The following DAB2IP variants were observed in gnomAD, a reference collection of about 807,000 sequenced individuals.
The protein encoded by DAB2IP is DAB2 interacting protein.
Under a neutral mutation model 107.2 loss-of-function variants are expected in DAB2IP, and 28 were observed. The ratio of observed to expected loss-of-function variants is 0.26; its 90% CI spans 0.19 to 0.36. DAB2IP has a LOEUF of 0.36. Among genes scored for constraint, DAB2IP ranks in the 10% least tolerant of loss-of-function variants. DAB2IP has a pLI of 1.00. For synonymous variants in DAB2IP, 755 were observed against 706.4 expected, an observed-to-expected ratio of 1.07 and a Z score of -1.09; for missense variants, 1,400 against 1,644.7, an observed-to-expected ratio of 0.85 and a Z score of 2.57.
At chr9:121,727,205 A>C (rs1353430568) in intron 3 of DAB2IP, among the ~76,000 whole-genome samples, 1 of 152,114 alleles carries the variant, frequency 6.6e-6, no homozygotes, top group African/African-American at 2.4e-5. Context: ...CTCAAGCCCC[A>C]CCTTGAAGCA....
At chr9:121,683,491 G>A (rs907889604) in intron 2 of DAB2IP, among the ~76,000 whole-genome samples, 6 of 152,152 alleles carry the variant, frequency 3.9e-5, no homozygotes, top group South Asian at 4.1e-4. Flanking sequence ...ATTCCTCCTC[G>A]GGAAGTTGAA....
exon 16 of DAB2IP, chr9:121,783,419 C>T (rs1015960177): frequency 2.5e-6 from 4 of 1,602,464 alleles, no homozygotes; most frequent in Middle Eastern, 2.0e-4. Flanking sequence ...GGAGTGCCAC[C>T]TGGTGCTCAC....
In DAB2IP at chr9:121,736,669, G is replaced by A. The variant is rs1340942480; in HGVS notation, c.363-20344G>A. On this transcript the variant is annotated intron_variant, in intron 3 of 15. Transcript: ENST00000408936. The surrounding 1 kb of genome is among the most constrained non-coding windows in gnomAD (Gnocchi z 4.6). The stretch of plus-strand genomic sequence containing the variant: ...TGCTCTGGGAGCAGCGCTCGGGGGA[G>A]GTTACCTTGGCGCGCCCCCAAATCT... Among the ~76,000 whole-genome samples the A allele has an allele frequency of 6.6e-6, 1 of 152,228 alleles. No homozygotes were observed. Among genetic ancestry groups the A allele is most frequent in the Non-Finnish European group, 1.5e-5 (1 of 68,038 alleles).
At position 121,684,579 on chromosome 9, in the gene DAB2IP, A is replaced by G. The variant is rs1420883245; in HGVS notation, c.228+5798A>G. Among the ~76,000 whole-genome samples, 2 of 152,100 alleles carry G rather than the reference A, an allele frequency of 1.3e-5. No homozygotes were observed. The highest frequency in any genetic ancestry group is 2.9e-5 in the Non-Finnish European group (2 of 68,002). On this transcript the variant is annotated intron_variant, in intron 2 of 15. Transcript: ENST00000408936. This position sits in a 1 kb window ranked among gnomAD's most constrained non-coding sequence, Gnocchi z 4.0. ...GCCACCAGGCCCCAGCCCCAGCTGTAGAGGGACCCGAAGTTTGGGCTGCGG... is the reference window on the plus strand; with the variant it reads ...GCCACCAGGCCCCAGCCCCAGCTGTGGAGGGACCCGAAGTTTGGGCTGCGG...
Position 121,698,105 on chromosome 9 carries a change from A to G in DAB2IP, c.229-1220A>G, listed in dbSNP as rs758149068. ...CTCTTGAACACAGAGAGGGCTGCCA[A>G]ACTGACCCTTTATTTTGTGATGGAT... On this transcript the variant is annotated intron_variant, in intron 2 of 15. Transcript: ENST00000408936. This position sits in a 1 kb window ranked among gnomAD's most constrained non-coding sequence, Gnocchi z 4.1. Among the ~76,000 whole-genome samples the G allele has an allele frequency of 7.2e-5, 11 of 152,124 alleles. No homozygotes were observed. The highest frequency in any genetic ancestry group is 1.3e-4 in the Non-Finnish European group (9 of 68,008).
intron 1 of DAB2IP, among the ~76,000 whole-genome samples, chr9:121,672,796 T>C (rs1027988247): frequency 2.6e-5 from 4 of 152,224 alleles, no homozygotes; most frequent in African/African-American, 9.6e-5. Context: ...ACCCTAGGAA[T>C]GCCACTTTCA....
At chr9:121,712,895 C>A (rs1014812558) in intron 3 of DAB2IP, among the ~76,000 whole-genome samples, 2 of 152,200 alleles carry the variant, frequency 1.3e-5, no homozygotes, top group African/African-American at 4.8e-5. Flanking sequence ...TGTGTCTGAG[C>A]CCCTGGGAGG....
chr9:121,651,547 A>AGCCCGGCCTCCGGGT (rs1202183141), upstream of DAB2IP: 13 of 581,880 alleles, frequency 2.2e-5, no homozygotes, highest in Admixed American at 7.7e-4. The surrounding 1 kb of genome is among the most constrained non-coding windows in gnomAD (Gnocchi z 5.1). Context: ...GGCCGGTGCC[A>AGCCCGGCCTCCGGGT]GCCCGGCCTC....
chr9:121,577,815 A>T (rs1205636262), intron 1 of DAB2IP, among the ~76,000 whole-genome samples: 1 of 152,206 alleles, frequency 6.6e-6, no homozygotes, highest in Admixed American at 6.5e-5. Context: ...CGAGGCAGCC[A>T]GATGGCAACC....
At chr9:121,603,223 C>T (rs1407457607) in intron 1 of DAB2IP, among the ~76,000 whole-genome samples, 2 of 152,192 alleles carry the variant, frequency 1.3e-5, no homozygotes, top group Non-Finnish European at 2.9e-5. Context: ...CTTGGAAGAC[C>T]GCTCTGTGGG....
chr9:121,738,790 T>C (rs1426801215), intron 3 of DAB2IP, among the ~76,000 whole-genome samples: 2 of 152,246 alleles, frequency 1.3e-5, no homozygotes, highest in Non-Finnish European at 2.9e-5. Context: ...CTGGTCTTTG[T>C]TTTTGCATCT....
At chr9:121,732,887 G>GC (rs1564186129) in intron 3 of DAB2IP, among the ~76,000 whole-genome samples, 1 of 152,232 alleles carries the variant, frequency 6.6e-6, no homozygotes, top group East Asian at 1.9e-4. Context: ...AATACCTAGC[G>GC]CTGGGCCTGG....
intron 1 of DAB2IP, among the ~76,000 whole-genome samples, chr9:121,594,178 G>C (rs963139565): frequency 6.6e-6 from 1 of 151,772 alleles, no homozygotes; most frequent in Non-Finnish European, 1.5e-5. Context: ...GAGGGATGTA[G>C]TAGCATGCTC....
At chr9:121,648,351 C>A (rs1008719075), upstream of DAB2IP, among the ~76,000 whole-genome samples, 1 of 152,130 alleles carries the variant, frequency 6.6e-6, no homozygotes, top group African/African-American at 2.4e-5. Context: ...AGAGGGAAGA[C>A]CTTGGTGGCA....
At chr9:121,734,440 T>C (rs79380076) in intron 3 of DAB2IP, among the ~76,000 whole-genome samples, 5,784 of 150,266 alleles carry the variant, frequency 0.038, 398 homozygotes, top group African/African-American at 0.13. Flanking sequence ...TTATGCAGAC[T>C]TCTGAGCAGG....
chr9:121,647,131 C>T (rs1832566260), upstream of DAB2IP, among the ~76,000 whole-genome samples: 1 of 152,078 alleles, frequency 6.6e-6, no homozygotes, highest in Non-Finnish European at 1.5e-5. Flanking sequence ...TGTTAAGAAG[C>T]CTTGGGTTTC....
Position 121,698,575 on chromosome 9 carries a change from T to TGA in DAB2IP, c.229-748_229-747dup, listed in dbSNP as rs1249215480. Reference sequence around the variant, plus strand: ...CAGCCCCTCGGGCCCCTCCCTGAGCTGAGCACTAGGGATCCCGTCCCGCAA... The same window carrying TGA: ...CAGCCCCTCGGGCCCCTCCCTGAGCTGAGAGCACTAGGGATCCCGTCCCGCAA... On this transcript the variant is annotated intron_variant, in intron 2 of 15. Transcript: ENST00000408936. This position sits in a 1 kb window ranked among gnomAD's most constrained non-coding sequence, Gnocchi z 4.1. 6.6e-6 allele frequency among the ~76,000 whole-genome samples: 1 copy of TGA among 152,190 alleles called. No homozygotes were observed. Among genetic ancestry groups the TGA allele is most frequent in the Non-Finnish European group, 1.5e-5 (1 of 68,024 alleles).
At chr9:121,656,757 T>C (rs1360285039) in intron 1 of DAB2IP, among the ~76,000 whole-genome samples, 1 of 152,192 alleles carries the variant, frequency 6.6e-6, no homozygotes, top group African/African-American at 2.4e-5. Context: ...AACAACACTG[T>C]GAGATGGATA....
At chr9:121,777,235 C>T (rs1478279193) in intron 14 of DAB2IP, among the ~76,000 whole-genome samples, 1 of 152,148 alleles carries the variant, frequency 6.6e-6, no homozygotes, top group Non-Finnish European at 1.5e-5. Context: ...CTGGACAGAC[C>T]AAGCAGGTGT....
Sources: gnomAD v4.1 joint callset for allele counts (sites outside exome capture counted in the v4.1 genomes callset) on GRCh38, gnomAD v4.1.1 for gene constraint, Gnocchi (gnomAD v3.1) non-coding constraint, MANE v1.5 for transcripts, NCBI Gene and HGNC (gene_info 2026-07-23, HGNC 2026-07-21) for gene names.